Variants in ZDHHC20 observed in about 807,000 individuals in gnomAD.
ZDHHC20 encodes zDHHC palmitoyltransferase 20.
In ZDHHC20, 43 loss-of-function variants were observed where a neutral mutation model predicts 57.8. The ratio of observed to expected loss-of-function variants is 0.74; its 90% confidence interval spans 0.58 to 0.96. ZDHHC20 has a LOEUF of 0.96. ZDHHC20 is among the 40% of genes least tolerant of loss of function. The probability of loss-of-function intolerance (pLI) is 0.00; values close to 1 mark genes in which losing one functional copy is unlikely to be tolerated. For missense variants in ZDHHC20, 391 were observed against 441.1 expected (o/e 0.89, Z 1.02); for synonymous variants, 157 against 153.0 (o/e 1.03, Z -0.19).
intron 7 of ZDHHC20, among the ~76,000 whole-genome samples, chr13:21,397,471 G>C (rs574854387): frequency 3.3e-5 from 5 of 152,168 alleles, no homozygotes; most frequent in Non-Finnish European, 7.4e-5. Context: ...AGACCAGCCT[G>C]GGCAACATGG....
chr13:21,414,454 G>A (rs1359323961), intron 3 of ZDHHC20, among the ~76,000 whole-genome samples: 5 of 150,626 alleles, frequency 3.3e-5, no homozygotes, highest in Non-Finnish European at 7.4e-5. Flanking sequence ...TCCGCCTCCC[G>A]GGTTCATGCC....
chr13:21,381,834 A>C (rs1566062074), intron 10 of ZDHHC20: 1 of 558,476 alleles, frequency 1.8e-6, no homozygotes, highest in Non-Finnish European at 3.4e-6. Context: ...TAATATGTTA[A>C]TCAGGAGCCA....
At position 21,376,326 on chromosome 13, in the gene ZDHHC20, A is replaced by G. The variant is rs1462402714; in HGVS notation, c.*370T>C. On this transcript the variant is annotated 3_prime_UTR_variant, in exon 13 of 13. Coordinates refer to ENST00000400590, the MANE Select transcript of ZDHHC20 (RefSeq NM_001330059.2). ...GGAGTGAAAATGTATATGGATACTT[A>G]TTCTAATAATGTAATTCAGGTATCA... The G allele has an allele frequency of 1.7e-5, 3 of 181,078 alleles. No individual in the cohort carries two copies. Among genetic ancestry groups the G allele is most frequent in the African/African-American group, 7.0e-5 (3 of 42,808 alleles). The allele number at this position is 181,078 out of a possible 1,614,324, so 11.2% of individuals were successfully genotyped here. A position where few individuals can be genotyped will look rare whatever the true frequency, so the allele number is the denominator to read the frequency against.
At chr13:21,439,564 AATC>A (rs1398592386) in intron 1 of ZDHHC20, among the ~76,000 whole-genome samples, 2 of 152,116 alleles carry the variant, frequency 1.3e-5, no homozygotes, top group Admixed American at 1.3e-4. Context: ...ACTCTTAAAA[AATC>A]ATGATTATGA....
At chr13:21,387,661 CTAAT>C (rs1190647226) in intron 8 of ZDHHC20, 27 bp from the exon 9 acceptor site, 8 of 1,298,692 alleles carry the variant, frequency 6.2e-6, no homozygotes, top group Non-Finnish European at 7.9e-6. Context: ...CATATATAAA[CTAAT>C]TAATCTATTT....
chr13:21,418,969 G>T (rs754649190), intron 3 of ZDHHC20, among the ~76,000 whole-genome samples: 1 of 152,092 alleles, frequency 6.6e-6, no homozygotes, highest in Non-Finnish European at 1.5e-5. Flanking sequence ...AAGCCACCAC[G>T]CCTGGCCTGC....
chr13:21,458,108 G>A lies in ZDHHC20; in HGVS notation c.118+946C>T, dbSNP rs1014555927. Among the ~76,000 whole-genome samples, 51 of 152,196 alleles carry A rather than the reference G, an allele frequency of 3.4e-4. 1 individual carries two copies. The highest frequency in any genetic ancestry group is 1.2e-3 in the African/African-American group (51 of 41,446). The stretch of plus-strand genomic sequence containing the variant: ...AATTTACTTAAGACAAAACAATGTT[G>A]GAGAAATTGCCCAATATCACAAATG... On this transcript the variant is annotated intron_variant, in intron 1 of 12. Transcript: ENST00000400590.
At chr13:21,429,035 T>C (rs574139257) in intron 1 of ZDHHC20, among the ~76,000 whole-genome samples, 20 of 152,216 alleles carry the variant, frequency 1.3e-4, no homozygotes, top group Non-Finnish European at 2.4e-4. Context: ...TATGGTTCTT[T>C]GTGAACATGA....
At chr13:21,386,163 A>G (rs573665667) in intron 9 of ZDHHC20, among the ~76,000 whole-genome samples, 1 of 152,332 alleles carries the variant, frequency 6.6e-6, no homozygotes, top group South Asian at 2.1e-4. Context: ...AGATACAGCA[A>G]TAGGATCTAT....
chr13:21,391,995 C>G, intron 7 of ZDHHC20, 141 bp from the exon 8 acceptor site: 3 of 968,388 alleles, frequency 3.1e-6, no homozygotes, highest in Non-Finnish European at 3.0e-6. Flanking sequence ...CCCAATGCAA[C>G]AAGGGCAAAA....
At chr13:21,412,993 A>C (rs1205732059) in intron 4 of ZDHHC20, among the ~76,000 whole-genome samples, 1 of 130,046 alleles carries the variant, frequency 7.7e-6, no homozygotes, top group East Asian at 2.5e-4. Context: ...AAAAAAAAAC[A>C]ATTTCCCAAA....
In ZDHHC20 at chr13:21,375,343, G is replaced by C; in HGVS notation, c.*1353C>G. ...TCACTGGAAGCAATCAATTATTTTG[G>C]GGGGGGTGTGTGTGTGTGTGTGTCT... On this transcript the variant is annotated 3_prime_UTR_variant, in exon 13 of 13. Transcript: ENST00000400590. 2.7e-6 allele frequency: 1 copy of C among 364,386 alleles called. No individual in the cohort carries two copies. The highest frequency in any genetic ancestry group is 5.4e-6 in the Non-Finnish European group (1 of 185,918). The allele number at this position is 364,386 out of a possible 1,614,324, so 22.6% of individuals were successfully genotyped here. A position where few individuals can be genotyped will look rare whatever the true frequency, so the allele number is the denominator to read the frequency against.
At chr13:21,388,592 T>A (rs1409072) in intron 8 of ZDHHC20, among the ~76,000 whole-genome samples, 38,292 of 151,948 alleles carry the variant, frequency 0.25, 5,688 homozygotes, top group South Asian at 0.33. Context: ...ACTCATAAAA[T>A]GGGTAAGGAG....
intron 1 of ZDHHC20, among the ~76,000 whole-genome samples, chr13:21,441,946 A>G (rs1028381250): frequency 6.6e-6 from 1 of 152,260 alleles, no homozygotes; most frequent in African/African-American, 2.4e-5. Flanking sequence ...CGTCAATACA[A>G]TGTTACCAAG....
At chr13:21,428,593 G>C (rs2137942606) in intron 1 of ZDHHC20, among the ~76,000 whole-genome samples, 1 of 151,822 alleles carries the variant, frequency 6.6e-6, no homozygotes, top group South Asian at 2.1e-4. Context: ...GGGCGTGGTG[G>C]CTCATGCCCG....
chr13:21,378,654 G>T lies in ZDHHC20; in HGVS notation c.*40+7C>A. ...TTTATTCAAGGATTACCTTTATACTGTCTTACCTTGCTCTTATTCAAATGG... is the reference window on the plus strand; with the variant it reads ...TTTATTCAAGGATTACCTTTATACTTTCTTACCTTGCTCTTATTCAAATGG... On this transcript the variant is annotated splice_region_variant and intron_variant, in intron 12 of 12. Coordinates refer to ENST00000400590, the MANE Select transcript of ZDHHC20 (RefSeq NM_001330059.2). The T allele has an allele frequency of 1.4e-6, 2 of 1,389,366 alleles. No homozygotes were observed. Among genetic ancestry groups the T allele is most frequent in the Non-Finnish European group, 9.5e-7 (1 of 1,053,816 alleles). The allele number at this position is 1,389,366 out of a possible 1,614,324, so 86.1% of individuals were successfully genotyped here. A position where few individuals can be genotyped will look rare whatever the true frequency, so the allele number is the denominator to read the frequency against.
chr13:21,389,769 GACGCCAAGTGGGAAAACGGGCCTACTACC>G (rs1875320857), intron 8 of ZDHHC20, among the ~76,000 whole-genome samples: 1 of 152,116 alleles, frequency 6.6e-6, no homozygotes, highest in South Asian at 2.1e-4. Flanking sequence ...CCATTTCACT[GACGCCAAGTGGGAAAACGGGCCTACTACC>G]ACTAGATTGA....
At chr13:21,381,382 G>A in intron 11 of ZDHHC20, 52 bp downstream of exon 11, 3 of 1,330,790 alleles carry the variant, frequency 2.3e-6, no homozygotes, top group Non-Finnish European at 3.2e-6. Flanking sequence ...TATTATATCT[G>A]GTGCTTTTCA....
At chr13:21,414,204 A>C (rs567342113) in intron 3 of ZDHHC20, among the ~76,000 whole-genome samples, 2 of 150,492 alleles carry the variant, frequency 1.3e-5, no homozygotes, top group Non-Finnish European at 2.9e-5. Flanking sequence ...TTTCTAGCCA[A>C]ATGTCTCATG....
Sources: allele counts gnomAD v4.1 joint callset (sites outside exome capture counted in the v4.1 genomes callset), GRCh38; gene constraint gnomAD v4.1.1; transcripts MANE v1.5; gene names NCBI Gene and HGNC (gene_info 2026-07-23, HGNC 2026-07-21).